Variants in CREB5 observed in about 807,000 individuals in gnomAD.
CREB5 encodes cAMP responsive element binding protein 5, also known as cyclic AMP-responsive element-binding protein 5.
CREB5 carries 19 observed loss-of-function variants against 57.1 expected under a neutral mutation model. The ratio of observed to expected loss-of-function variants is 0.33; its 90% confidence interval spans 0.23 to 0.49. The LOEUF (loss-of-function observed/expected upper bound fraction) is 0.49, where lower values mean the gene tolerates loss of function less well. CREB5 is among the 20% of genes least tolerant of loss of function. The pLI, the probability that CREB5 is intolerant of heterozygous loss-of-function variation, is 0.99. For missense variants in CREB5, 579 were observed against 671.6 expected, an observed-to-expected ratio of 0.86 and a Z score of 1.52; for synonymous variants, 238 against 238.3, an observed-to-expected ratio of 1.00 and a Z score of 0.01.
intron 5 of CREB5, among the ~76,000 whole-genome samples, chr7:28,592,370 G>C (rs1796551116): frequency 6.6e-6 from 1 of 152,240 alleles, no homozygotes; most frequent in Admixed American, 6.5e-5. Flanking sequence ...TGCAGAAAGA[G>C]AGACCGGTAT....
chr7:28,582,379 A>AT (rs1035956835), intron 5 of CREB5, among the ~76,000 whole-genome samples: 1 of 152,114 alleles, frequency 6.6e-6, no homozygotes, highest in Non-Finnish European at 1.5e-5. Context: ...GGGGAACCAC[A>AT]TTTTTACTAA....
In CREB5 at chr7:28,412,708, G is replaced by A. The variant is rs184579589; in HGVS notation, c.-207G>A. On this transcript the variant is annotated 5_prime_UTR_variant, in exon 1 of 11. Transcript: ENST00000357727. Reference sequence around the variant, plus strand: ...AGAGTCTAGGAGGTACCTCTGGGTTGCAGAAGTAATTGTAAAATACCAGAC... The same window carrying A: ...AGAGTCTAGGAGGTACCTCTGGGTTACAGAAGTAATTGTAAAATACCAGAC... 30 of 405,432 alleles carry A rather than the reference G, an allele frequency of 7.4e-5. No individual in the cohort carries two copies. Among genetic ancestry groups the A allele is most frequent in the African/African-American group, 5.3e-4 (26 of 49,026 alleles). 25.1% of individuals were successfully genotyped at this position (405,432 alleles called of 1,614,324 possible).
chr7:28,637,481 A>G (rs1032255441), intron 5 of CREB5, among the ~76,000 whole-genome samples: 3 of 152,344 alleles, frequency 2.0e-5, no homozygotes, highest in African/African-American at 4.8e-5. Flanking sequence ...ATGACTGTCA[A>G]TGTGAAAGAA....
intron 7 of CREB5, among the ~76,000 whole-genome samples, chr7:28,764,787 A>C (rs1805872628): frequency 6.6e-6 from 1 of 152,242 alleles, no homozygotes; most frequent in African/African-American, 2.4e-5. Context: ...TAGAGTCTAC[A>C]TATAAATGTC....
intron 7 of CREB5, among the ~76,000 whole-genome samples, chr7:28,761,748 G>A (rs1253781452): frequency 6.6e-6 from 1 of 151,756 alleles, no homozygotes; most frequent in Non-Finnish European, 1.5e-5. Context: ...GTGTGTGTGT[G>A]TGTATCATTT....
At chr7:28,436,570 T>C (rs1788971528) in intron 1 of CREB5, among the ~76,000 whole-genome samples, 1 of 152,164 alleles carries the variant, frequency 6.6e-6, no homozygotes, top group African/African-American at 2.4e-5. Context: ...TTATACTACC[T>C]TAACTATACC....
At chr7:28,779,994 C>T (rs1409195610) in intron 7 of CREB5, among the ~76,000 whole-genome samples, 1 of 152,152 alleles carries the variant, frequency 6.6e-6, no homozygotes, top group Non-Finnish European at 1.5e-5. Context: ...GTCTCAAACT[C>T]CTGAGCTCAA....
intron 4 of CREB5, 88 bp from the exon 5 acceptor site, chr7:28,570,277 A>G: frequency 7.1e-7 from 1 of 1,399,424 alleles, no homozygotes; most frequent in South Asian, 1.4e-5. Context: ...TGACATGACT[A>G]GATTCCCAGT....
intron 5 of CREB5, among the ~76,000 whole-genome samples, chr7:28,614,098 T>C (rs1797508147): frequency 6.6e-6 from 1 of 152,174 alleles, no homozygotes; most frequent in African/African-American, 2.4e-5. Flanking sequence ...TTGCTGGGAC[T>C]ACAGGCACAC....
intron 5 of CREB5, among the ~76,000 whole-genome samples, chr7:28,586,191 C>T (rs1796300211): frequency 6.6e-6 from 1 of 152,170 alleles, no homozygotes; most frequent in African/African-American, 2.4e-5. Context: ...TTGTGGTCCT[C>T]ACTGTCACGG....
At chr7:28,687,430 CAG>C (rs1233436271) in intron 5 of CREB5, among the ~76,000 whole-genome samples, 5 of 151,054 alleles carry the variant, frequency 3.3e-5, no homozygotes, top group African/African-American at 1.2e-4. Context: ...CTCGTGTACT[CAG>C]AGAGAGAGAC....
chr7:28,798,672 T>A (rs1472291558), intron 7 of CREB5, among the ~76,000 whole-genome samples: 1 of 152,224 alleles, frequency 6.6e-6, no homozygotes, highest in East Asian at 1.9e-4. Flanking sequence ...TGACTCCTTT[T>A]GACTGAAACT....
At chr7:28,428,222 C>T (rs927581572) in intron 1 of CREB5, among the ~76,000 whole-genome samples, 1 of 152,106 alleles carries the variant, frequency 6.6e-6, no homozygotes, top group Non-Finnish European at 1.5e-5. Context: ...GATGTAGAGA[C>T]AAGGAGGGAA....
chr7:28,737,542 T>C (rs1251045895), intron 7 of CREB5, among the ~76,000 whole-genome samples: 22 of 4,928 alleles, frequency 4.5e-3, no homozygotes, highest in Non-Finnish European at 1.7e-3. Flanking sequence ...TATATACGTA[T>C]ATATATATAT....
At chr7:28,750,310 G>A (rs1010017033) in intron 7 of CREB5, among the ~76,000 whole-genome samples, 3 of 152,108 alleles carry the variant, frequency 2.0e-5, no homozygotes, top group African/African-American at 7.2e-5. Context: ...TGAAGTTGGG[G>A]CTCATCATCC....
intron 5 of CREB5, among the ~76,000 whole-genome samples, chr7:28,662,086 C>T (rs921160505): frequency 5.3e-5 from 8 of 152,140 alleles, no homozygotes; most frequent in Non-Finnish European, 1.2e-4. Context: ...AAAAGGGCTG[C>T]TCTTCTAGCG....
At chr7:28,404,647 T>C (rs1379029857) in intron 1 of CREB5, among the ~76,000 whole-genome samples, 1 of 152,210 alleles carries the variant, frequency 6.6e-6, no homozygotes, top group Non-Finnish European at 1.5e-5. Flanking sequence ...AAACCAAATA[T>C]GGGACCATTC....
intron 5 of CREB5, among the ~76,000 whole-genome samples, chr7:28,646,105 C>G (rs766341729): frequency 6.6e-6 from 1 of 152,208 alleles, no homozygotes. Context: ...GACAGTAGAT[C>G]ATAGGACTTC....
rs564410405 is a variant in CREB5 at position 28,518,139 on chromosome 7, G to A, written c.291+10402G>A. Among the ~76,000 whole-genome samples the A allele has an allele frequency of 1.1e-4, 16 of 152,278 alleles. No homozygotes were observed. In the East Asian group the frequency reaches 3.1e-3, roughly 29 times the overall value. On this transcript the variant is annotated intron_variant, in intron 4 of 10. Transcript: ENST00000357727. The stretch of plus-strand genomic sequence containing the variant: ...TTTGGATTTAGTGTGGCTGCAGCCA[G>A]CGGAGCCCTTGAGATCTGAGGTATG...
Sources: allele counts gnomAD v4.1 joint callset (sites outside exome capture counted in the v4.1 genomes callset), GRCh38; gene constraint gnomAD v4.1.1; transcripts MANE v1.5; gene names NCBI Gene and HGNC (gene_info 2026-07-23, HGNC 2026-07-21).